The following JAKMIP3 variants were observed in gnomAD, a reference collection of about 807,000 sequenced individuals.
JAKMIP3 encodes janus kinase and microtubule-interacting protein 3.
A neutral mutation model predicts 118.5 loss-of-function variants in JAKMIP3; 58 were observed. The ratio of observed to expected loss-of-function variants is 0.49; its 90% CI spans 0.40 to 0.61. JAKMIP3 has a LOEUF of 0.61. Among genes scored for constraint, JAKMIP3 ranks in the 20% least tolerant of loss-of-function variants. The pLI is 0.00. For synonymous variants in JAKMIP3, 486 were observed against 451.2 expected (o/e 1.08, Z -0.98); for missense variants, 950 against 1,109.0 (o/e 0.86, Z 2.04).
chr10:132,079,678 A>G (rs1009885738), intron 1 of JAKMIP3, among the ~76,000 whole-genome samples: 4 of 152,224 alleles, frequency 2.6e-5, no homozygotes, highest in African/African-American at 7.2e-5. Flanking sequence ...CATTATTGTG[A>G]AACCAATATC....
At position 132,118,383 on chromosome 10, in the gene JAKMIP3, A is replaced by G. The variant is rs1411578895; in HGVS notation, c.633+809A>G. Among the ~76,000 whole-genome samples the G allele has an allele frequency of 6.6e-6, 1 of 152,166 alleles. No individual in the cohort carries two copies. Among genetic ancestry groups the G allele is most frequent in the East Asian group, 1.9e-4 (1 of 5,188 alleles). ...GAGACTGTCCTGTGATTTTGGGGGA[A>G]ATGGAGCTCTGTCTTAGAGGTGCGT... On this transcript the variant is annotated intron_variant, in intron 3 of 23. Coordinates refer to ENST00000684848, the MANE Select transcript of JAKMIP3 (RefSeq NM_001323087.2). This position sits in a 1 kb window ranked among gnomAD's most constrained non-coding sequence, Gnocchi z 4.8.
Position 132,118,405 on chromosome 10 carries a change from G to A in JAKMIP3, c.633+831G>A, listed in dbSNP as rs1426781349. Among the ~76,000 whole-genome samples the A allele has an allele frequency of 2.0e-5, 3 of 152,208 alleles. No homozygotes were observed. Among genetic ancestry groups the A allele is most frequent in the Non-Finnish European group, 2.9e-5 (2 of 68,042 alleles). On this transcript the variant is annotated intron_variant, in intron 3 of 23. Coordinates refer to ENST00000684848, the MANE Select transcript of JAKMIP3 (RefSeq NM_001323087.2). This position sits in a 1 kb window ranked among gnomAD's most constrained non-coding sequence, Gnocchi z 4.8. ...GGAAATGGAGCTCTGTCTTAGAGGTGCGTGCCCCAGCCCTGTGCCTCTTCA... is the reference window on the plus strand; with the variant it reads ...GGAAATGGAGCTCTGTCTTAGAGGTACGTGCCCCAGCCCTGTGCCTCTTCA...
At chr10:132,104,216 G>A (rs1009746259) in intron 1 of JAKMIP3, among the ~76,000 whole-genome samples, 6 of 151,804 alleles carry the variant, frequency 4.0e-5, no homozygotes, top group Admixed American at 6.6e-5. Flanking sequence ...CCTGCTTTCC[G>A]CACTTCTGGG....
At chr10:132,097,265 C>T (rs376026454) in intron 1 of JAKMIP3, among the ~76,000 whole-genome samples, 9 of 152,252 alleles carry the variant, frequency 5.9e-5, no homozygotes, top group East Asian at 3.9e-4. Flanking sequence ...CTCCAGTGGG[C>T]GAGTGGCGAA....
chr10:132,054,851 G>A (rs1220338647), intron 1 of JAKMIP3, among the ~76,000 whole-genome samples: 3 of 152,124 alleles, frequency 2.0e-5, no homozygotes, highest in Non-Finnish European at 4.4e-5. Flanking sequence ...TGAGGCCTGG[G>A]GATGGGGAGA....
intron 1 of JAKMIP3, among the ~76,000 whole-genome samples, chr10:132,097,330 G>A (rs983051647): frequency 1.3e-5 from 2 of 152,182 alleles, no homozygotes; most frequent in African/African-American, 2.4e-5. Flanking sequence ...AGGGTGAACC[G>A]TGGGCCACTC....
In JAKMIP3 at chr10:132,142,007, G is replaced by A. The variant is rs1414592039; in HGVS notation, c.1561G>A (p.Glu521Lys). The change falls in exon 11 of 24, where the codon GAG becomes AAG. Residue 521 changes from glutamate to lysine, a missense_variant. By Grantham distance (56) the Glu-to-Lys change is moderately conservative. Transcript: ENST00000684848. ...GCAGCGTGCCTACGCTTTGTTGCAGGAGCAGGTTGGAGGGACGCTGGACGC... is the reference window on the plus strand; with the variant it reads ...GCAGCGTGCCTACGCTTTGTTGCAGAAGCAGGTTGGAGGGACGCTGGACGC... ...ALQRAYALLQ[E>K]QVGGTLDAER... 6.2e-7 allele frequency: 1 copy of A among 1,608,808 alleles called. No individual in the cohort carries two copies. Among genetic ancestry groups the A allele is most frequent in the Admixed American group, 1.7e-5 (1 of 59,446 alleles).
Position 132,049,078 on chromosome 10 carries a change from C to G in JAKMIP3, c.-138+12340C>G, listed in dbSNP as rs1195015351. Among the ~76,000 whole-genome samples the G allele has an allele frequency of 6.6e-6, 1 of 152,116 alleles. No homozygotes were observed. The highest frequency in any genetic ancestry group is 6.5e-5 in the Admixed American group (1 of 15,270). On this transcript the variant is annotated intron_variant, in intron 1 of 23. Coordinates refer to the JAKMIP3 transcript ENST00000657785. The surrounding 1 kb of genome is among the most constrained non-coding windows in gnomAD (Gnocchi z 4.3). ...TGCTGCTGGTCCCGGCCGACTCCATCAAGTTAATTGACCTTTTTGCCTGGA... is the reference window on the plus strand; with the variant it reads ...TGCTGCTGGTCCCGGCCGACTCCATGAAGTTAATTGACCTTTTTGCCTGGA...
intron 1 of JAKMIP3, among the ~76,000 whole-genome samples, chr10:132,054,039 C>CAAAA (rs5789112): frequency 9.9e-6 from 1 of 100,600 alleles, no homozygotes; most frequent in Non-Finnish European, 2.0e-5. Context: ...GACTCTGTCT[C>CAAAA]AAAAAAAAAA....
chr10:132,131,221 G>A (rs1390964742), intron 3 of JAKMIP3, among the ~76,000 whole-genome samples: 1 of 149,950 alleles, frequency 6.7e-6, no homozygotes, highest in Non-Finnish European at 1.5e-5. Context: ...GGAGTTCAGG[G>A]GATGAAGAGT....
At chr10:132,078,691 G>T (rs1412111135) in intron 1 of JAKMIP3, among the ~76,000 whole-genome samples, 1 of 152,034 alleles carries the variant, frequency 6.6e-6, no homozygotes, top group African/African-American at 2.4e-5. Context: ...GAGGTTTTGG[G>T]GTTTCTTTTC....
intron 19 of JAKMIP3, among the ~76,000 whole-genome samples, chr10:132,157,105 A>G (rs375627197): frequency 6.6e-6 from 1 of 152,126 alleles, no homozygotes; most frequent in Non-Finnish European, 1.5e-5. Context: ...CATCATGCCA[A>G]TGGTAGGAAA....
At chr10:132,134,935 C>T (rs11146206) in intron 4 of JAKMIP3, 106 bp from the exon 5 acceptor site, 491,789 of 1,359,206 alleles carry the variant, frequency 0.36, 94,665 homozygotes, top group Non-Finnish European at 0.4. Context: ...GAGGTAAAGG[C>T]GCGCGTCCCA....
chr10:132,139,513 TGTGA>T (rs776748030), intron 9 of JAKMIP3, among the ~76,000 whole-genome samples: 87 of 152,100 alleles, frequency 5.7e-4, no homozygotes, highest in Non-Finnish European at 1.1e-3. Flanking sequence ...TATGTGTGAG[TGTGA>T]GTGTGTGTGT....
chr10:132,155,950 G>T (rs1331382335), intron 19 of JAKMIP3, among the ~76,000 whole-genome samples: 1 of 152,148 alleles, frequency 6.6e-6, no homozygotes, highest in Non-Finnish European at 1.5e-5. Flanking sequence ...TCATGGGGCG[G>T]CTCCCAGGCA....
Position 132,164,659 on chromosome 10 carries a change from T to C in JAKMIP3, c.2425-11T>C. 1.3e-6 allele frequency: 2 copies of C among 1,536,004 alleles called. No individual in the cohort carries two copies. The highest frequency in any genetic ancestry group is 1.8e-6 in the Non-Finnish European group (2 of 1,110,316). On this transcript the variant is annotated splice_polypyrimidine_tract_variant and intron_variant, in intron 20 of 23. Transcript: ENST00000684848. ...TGACTATTGAAGATGTTCTTCCTTT[T>C]AATCTTGCAGAGAATTAAAGAGTTA...
chr10:132,073,366 C>A (rs1195299904), intron 1 of JAKMIP3, among the ~76,000 whole-genome samples: 1 of 151,980 alleles, frequency 6.6e-6, no homozygotes, highest in Non-Finnish European at 1.5e-5. Context: ...TTTGTATTTT[C>A]AGTAGAGACG....
intron 16 of JAKMIP3, among the ~76,000 whole-genome samples, 154 bp from the exon 17 acceptor site, chr10:132,152,804 G>A (rs1490518886): frequency 6.6e-6 from 1 of 152,228 alleles, no homozygotes; most frequent in Non-Finnish European, 1.5e-5. Context: ...GAGATGCTGG[G>A]AGGGAGATGT....
At chr10:132,100,467 G>A (rs1467172170) in intron 1 of JAKMIP3, among the ~76,000 whole-genome samples, 3 of 152,068 alleles carry the variant, frequency 2.0e-5, no homozygotes, top group East Asian at 1.9e-4. Context: ...GGAAGGCCAC[G>A]AGAAGACGTA....
Sources: allele counts gnomAD v4.1 joint callset (sites outside exome capture counted in the v4.1 genomes callset), GRCh38; gene constraint gnomAD v4.1.1; non-coding constraint Gnocchi (gnomAD v3.1); transcripts MANE v1.5; gene names NCBI Gene and HGNC (gene_info 2026-07-23, HGNC 2026-07-21).